The following UMAD1 variants were observed in gnomAD, a reference collection of about 807,000 sequenced individuals.
UMAD1 encodes UBAP1-MVB12-associated (UMA)-domain containing protein 1.
Under a neutral mutation model 6.1 loss-of-function variants are expected in UMAD1, and 8 were observed. That is an observed-to-expected ratio of 1.30 (90% confidence interval 0.76 to 2.35). The LOEUF is 2.35. Ranked by LOEUF, UMAD1 falls within the 30% of genes most tolerant of loss-of-function variation. The pLI is 0.00. For synonymous variants in UMAD1, 56 were observed against 31.4 expected, an observed-to-expected ratio of 1.78 and a Z score of -2.61; for missense variants, 130 against 78.4, an observed-to-expected ratio of 1.66 and a Z score of -2.49.
intron 2 of UMAD1, among the ~76,000 whole-genome samples, chr7:7,743,141 AAAC>A (rs1429956160): frequency 6.6e-6 from 1 of 152,220 alleles, no homozygotes; most frequent in African/African-American, 2.4e-5. Context: ...ATTGGTTTAG[AAAC>A]AACACAATCA....
chr7:7,764,661 G>A (rs1020865294), intron 2 of UMAD1, among the ~76,000 whole-genome samples: 1 of 152,218 alleles, frequency 6.6e-6, no homozygotes, highest in Admixed American at 6.5e-5. Flanking sequence ...TTGATTGGAA[G>A]CAGTGTGTTT....
chr7:7,874,527 C>T (rs1784382570), intron 3 of UMAD1, among the ~76,000 whole-genome samples: 2 of 152,092 alleles, frequency 1.3e-5, no homozygotes, highest in South Asian at 2.1e-4. Flanking sequence ...ATTTAAAATA[C>T]AAAATCAGGC....
At chr7:7,642,935 AAC>A (rs1268694532) in intron 1 of UMAD1, among the ~76,000 whole-genome samples, 1 of 152,186 alleles carries the variant, frequency 6.6e-6, no homozygotes, top group Non-Finnish European at 1.5e-5. Context: ...CCTTTATATA[AAC>A]AGAAACGTAT....
intron 3 of UMAD1, among the ~76,000 whole-genome samples, chr7:7,852,137 A>G (rs1445426300): frequency 3.3e-5 from 5 of 152,148 alleles, no homozygotes. Context: ...TATTCTTTCC[A>G]CATTGAATGG....
At chr7:7,696,461 GC>G (rs1780320649) in intron 2 of UMAD1, among the ~76,000 whole-genome samples, 1 of 152,062 alleles carries the variant, frequency 6.6e-6, no homozygotes, top group African/African-American at 2.4e-5. Flanking sequence ...ACTGGAACTG[GC>G]CACAAGACCT....
intron 2 of UMAD1, among the ~76,000 whole-genome samples, chr7:7,800,891 GA>G (rs1782785603): frequency 6.6e-6 from 1 of 152,120 alleles, no homozygotes; most frequent in Non-Finnish European, 1.5e-5. Context: ...CAATTTTATA[GA>G]AAAAGCAATT....
intron 2 of UMAD1, among the ~76,000 whole-genome samples, chr7:7,714,068 G>T (rs1756902796): frequency 6.6e-6 from 1 of 152,188 alleles, no homozygotes; most frequent in African/African-American, 2.4e-5. Context: ...TCCAAAAATT[G>T]AGTTTTTTTG....
intron 2 of UMAD1, among the ~76,000 whole-genome samples, chr7:7,701,237 C>CTG (rs139747087): frequency 0.076 from 11,629 of 152,236 alleles, 576 homozygotes; most frequent in Admixed American, 0.098. Context: ...TCCTCTCTAA[C>CTG]TGTGGGGCTT....
Position 7,815,216 on chromosome 7 carries a change from T to C in UMAD1, c.156+13473T>C, listed in dbSNP as rs571620141. 3.9e-5 allele frequency among the ~76,000 whole-genome samples: 6 copies of C among 152,302 alleles called. No homozygotes were observed. In the East Asian group the frequency reaches 5.8e-4, roughly 15 times the overall value. ...ATGTGAACTGTATCAGACAGACTTGTAGCTCAGATCTTGGCTTTACCACTT... is the reference window on the plus strand; with the variant it reads ...ATGTGAACTGTATCAGACAGACTTGCAGCTCAGATCTTGGCTTTACCACTT... On this transcript the variant is annotated intron_variant, in intron 3 of 3. Transcript: ENST00000682710.
chr7:7,814,646 T>C (rs1783090048), intron 3 of UMAD1, among the ~76,000 whole-genome samples: 1 of 137,868 alleles, frequency 7.3e-6, no homozygotes, highest in African/African-American at 2.6e-5. Flanking sequence ...ATATTTAGAG[T>C]GTACTTTTTA....
At chr7:7,812,758 G>T (rs886779717) in intron 3 of UMAD1, among the ~76,000 whole-genome samples, 3 of 149,384 alleles carry the variant, frequency 2.0e-5, no homozygotes, top group Non-Finnish European at 4.4e-5. Flanking sequence ...AGGGTGAGAG[G>T]TCCATGTTGG....
intron 2 of UMAD1, among the ~76,000 whole-genome samples, chr7:7,698,244 C>A (rs1780364076): frequency 6.6e-6 from 1 of 152,138 alleles, no homozygotes; most frequent in African/African-American, 2.4e-5. Context: ...ATAGACAGGG[C>A]AGATTTATTT....
At chr7:7,842,340 G>A (rs781016337) in intron 3 of UMAD1, among the ~76,000 whole-genome samples, 9 of 151,900 alleles carry the variant, frequency 5.9e-5, no homozygotes, top group South Asian at 2.1e-4. Context: ...TTTTATCATC[G>A]TTTATTTTTT....
At chr7:7,851,976 C>T (rs1274441554) in intron 3 of UMAD1, among the ~76,000 whole-genome samples, 1 of 151,986 alleles carries the variant, frequency 6.6e-6, no homozygotes, top group Non-Finnish European at 1.5e-5. Flanking sequence ...AAGATTTACC[C>T]TTATGTTTTC....
At chr7:7,660,139 T>C (rs546021841) in intron 1 of UMAD1, among the ~76,000 whole-genome samples, 1 of 152,354 alleles carries the variant, frequency 6.6e-6, no homozygotes, top group South Asian at 2.1e-4. Context: ...TGTTTTTTGC[T>C]TTCCATTTGC....
rs1459743223 is a variant in UMAD1 at position 7,830,653 on chromosome 7, C to T, written c.156+28910C>T. On this transcript the variant is annotated intron_variant, in intron 3 of 3. Coordinates refer to ENST00000682710, the MANE Select transcript of UMAD1 (RefSeq NM_001302348.2). This position sits in a 1 kb window ranked among gnomAD's most constrained non-coding sequence, Gnocchi z 5.3. Reference sequence around the variant, plus strand: ...TTTGGTTCATTTTCCTTGTCCCAGACTTTCTATTTCAATGGTTTTCTTTAT... The same window carrying T: ...TTTGGTTCATTTTCCTTGTCCCAGATTTTCTATTTCAATGGTTTTCTTTAT... Among the ~76,000 whole-genome samples the T allele has an allele frequency of 1.3e-5, 2 of 152,112 alleles. No homozygotes were observed. The highest frequency in any genetic ancestry group is 2.9e-5 in the Non-Finnish European group (2 of 68,012).
At chr7:7,854,237 C>T (rs1783971275) in intron 3 of UMAD1, among the ~76,000 whole-genome samples, 1 of 151,412 alleles carries the variant, frequency 6.6e-6, no homozygotes, top group African/African-American at 2.4e-5. Context: ...TGCCTGTAAT[C>T]CCAGCTACTC....
chr7:7,725,816 G>A (rs1453348252), intron 2 of UMAD1, among the ~76,000 whole-genome samples: 2 of 152,196 alleles, frequency 1.3e-5, no homozygotes, highest in African/African-American at 4.8e-5. Flanking sequence ...GGCCTTTTGG[G>A]GAGTTCCCTA....
intron 2 of UMAD1, among the ~76,000 whole-genome samples, chr7:7,682,581 G>A (rs1053010229): frequency 6.6e-6 from 1 of 152,106 alleles, no homozygotes; most frequent in Non-Finnish European, 1.5e-5. Flanking sequence ...AGGGTTGAAG[G>A]CTTTAATTAA....
Sources: allele counts gnomAD v4.1 joint callset (sites outside exome capture counted in the v4.1 genomes callset), GRCh38; gene constraint gnomAD v4.1.1; non-coding constraint Gnocchi (gnomAD v3.1); transcripts MANE v1.5; gene names NCBI Gene and HGNC (gene_info 2026-07-23, HGNC 2026-07-21).